The following DGKI variants were observed in gnomAD, a reference collection of about 807,000 sequenced individuals.
DGKI encodes DAG kinase iota.
DGKI carries 55 observed loss-of-function variants against 147.5 expected under a neutral mutation model. The observed-to-expected ratio is 0.37, with a 90% confidence interval of 0.30 to 0.47. DGKI has a LOEUF of 0.47. Among genes scored for constraint, DGKI ranks in the 20% least tolerant of loss-of-function variants. The pLI is 1.00. For synonymous variants in DGKI, 469 were observed against 477.1 expected, an observed-to-expected ratio of 0.98 and a Z score of 0.22; for missense variants, 1,007 against 1,323.8, an observed-to-expected ratio of 0.76 and a Z score of 3.71.
chr7:137,636,905 C>T (rs998465910), intron 6 of DGKI, among the ~76,000 whole-genome samples: 6 of 152,240 alleles, frequency 3.9e-5, no homozygotes, highest in Admixed American at 2.6e-4. Flanking sequence ...CCCTGCACCA[C>T]GAGCAGAAGT....
chr7:137,487,663 G>A lies in DGKI; in HGVS notation c.2275C>T (p.Arg759Cys), dbSNP rs144699964. The A allele has an allele frequency of 3.5e-5, 56 of 1,613,674 alleles. No homozygotes were observed. Among genetic ancestry groups the A allele is most frequent in the South Asian group, 8.8e-5 (8 of 91,058 alleles). Residue 759 changes from arginine to cysteine, a missense_variant, in exon 22 of 33, where the codon CGT becomes TGT. Arg to Cys is a radical substitution (Grantham distance 180). Transcript: ENST00000614521. Reference sequence around the variant, plus strand: ...CAAGTCTCCAAATCACAGTCTCCACGCACAACTAGAATACCCAGAGGTATC... The same window carrying A: ...CAAGTCTCCAAATCACAGTCTCCACACACAACTAGAATACCCAGAGGTATC... ...ASIPLGILVV[R>C]GDCDLETCRM...
intron 20 of DGKI, among the ~76,000 whole-genome samples, chr7:137,526,936 G>C (rs953146716): frequency 8.5e-5 from 13 of 152,122 alleles, no homozygotes; most frequent in Non-Finnish European, 1.5e-4. Context: ...GATGGGCTGA[G>C]CGTTTTGGTT....
chr7:137,827,822 T>C (rs1336653322), intron 1 of DGKI, among the ~76,000 whole-genome samples: 1 of 152,356 alleles, frequency 6.6e-6, no homozygotes, highest in East Asian at 1.9e-4. Flanking sequence ...TCAGGAGAGA[T>C]TAGAAGCAAA....
At chr7:137,642,721 C>T (rs1212761655) in intron 6 of DGKI, among the ~76,000 whole-genome samples, 3 of 152,206 alleles carry the variant, frequency 2.0e-5, no homozygotes, top group Non-Finnish European at 4.4e-5. Context: ...CTCAGCCAAA[C>T]ACATATTTAA....
At position 137,470,351 on chromosome 7, in the gene DGKI, T is replaced by C. The variant is rs185025383; in HGVS notation, c.2374-732A>G. Among the ~76,000 whole-genome samples, 16 of 152,290 alleles carry C rather than the reference T, an allele frequency of 1.1e-4. No homozygotes were observed. In the East Asian group the frequency reaches 2.9e-3, roughly 28 times the overall value. Reference sequence around the variant, plus strand: ...CTGCCTGACATAACTACCATCATTCTTTCCTCTGGGTTCGGATAAAAATAG... The same window carrying C: ...CTGCCTGACATAACTACCATCATTCCTTCCTCTGGGTTCGGATAAAAATAG... On this transcript the variant is annotated intron_variant, in intron 23 of 32. Transcript: ENST00000614521.
At chr7:137,678,525 C>T (rs750975126) in intron 3 of DGKI, 32 bp downstream of exon 3, 26 of 1,605,712 alleles carry the variant, frequency 1.6e-5, no homozygotes, top group Middle Eastern at 1.6e-4. Context: ...GATCCACAGG[C>T]CTTCCCCCAG....
At chr7:137,500,557 A>G (rs940894036) in intron 21 of DGKI, among the ~76,000 whole-genome samples, 1 of 152,194 alleles carries the variant, frequency 6.6e-6, no homozygotes, top group Non-Finnish European at 1.5e-5. Context: ...ATATACACCA[A>G]GATAAAACAT....
At chr7:137,778,357 A>C (rs1796420977) in intron 1 of DGKI, among the ~76,000 whole-genome samples, 1 of 152,180 alleles carries the variant, frequency 6.6e-6, no homozygotes, top group Non-Finnish European at 1.5e-5. Flanking sequence ...GTGAGGAGGA[A>C]TCTAAAAAAG....
At chr7:137,450,722 C>T (rs149058503) in intron 27 of DGKI, among the ~76,000 whole-genome samples, 3,441 of 150,922 alleles carry the variant, frequency 0.023, 106 homozygotes, top group South Asian at 0.15. Context: ...AACTCTGTCT[C>T]GAAAAAATAA....
rs571197439 is a variant in DGKI, at chr7:137,391,402, T to A, written c.3058-66A>T. On this transcript the variant is annotated intron_variant, in intron 32 of 32. Transcript: ENST00000614521. Reference sequence around the variant, plus strand: ...ATAGACACAAGCGCTAGTCGTGAAATACAAAAACAAAAAACAAAACAAAAC... The same window carrying A: ...ATAGACACAAGCGCTAGTCGTGAAAAACAAAAACAAAAAACAAAACAAAAC... The A allele has an allele frequency of 3.7e-5, 43 of 1,167,534 alleles. No homozygotes were observed. In the African/African-American group the frequency reaches 6.2e-4, roughly 17 times the overall value. The allele number at this position is 1,167,534 out of a possible 1,614,324, so 72.3% of individuals were successfully genotyped here.
In DGKI at chr7:137,388,529, A is replaced by C. The variant is rs1451473063; in HGVS notation, c.*2691T>G. 6.6e-6 allele frequency: 1 copy of C among 152,156 alleles called. No homozygotes were observed. Among genetic ancestry groups the C allele is most frequent in the Non-Finnish European group, 1.5e-5 (1 of 68,022 alleles). The allele number at this position is 152,156 out of a possible 1,614,324, so 9.4% of individuals were successfully genotyped here. A position where few individuals can be genotyped will look rare whatever the true frequency, so the allele number is the denominator to read the frequency against. ...TTAAAGTTACATGGCACTTCAGACC[A>C]GGACTAGATCACTTGCTTTCCTGAT... On this transcript the variant is annotated 3_prime_UTR_variant, in exon 33 of 33. Coordinates refer to ENST00000614521, the MANE Select transcript of DGKI (RefSeq NM_001321708.2).
intron 1 of DGKI, among the ~76,000 whole-genome samples, chr7:137,708,263 G>A (rs911315637): frequency 2.0e-5 from 3 of 152,140 alleles, no homozygotes; most frequent in Admixed American, 6.5e-5. Flanking sequence ...TGAGCCTCTC[G>A]CCCTACTCTT....
At chr7:137,395,763 G>A (rs1811527628) in intron 31 of DGKI, 66 bp from the exon 32 acceptor site, 4 of 1,475,780 alleles carry the variant, frequency 2.7e-6, no homozygotes, top group East Asian at 2.3e-5. Context: ...ATGGGTGAGG[G>A]GAGCTGATGT....
chr7:137,836,766 T>C (rs961557479), intron 1 of DGKI, among the ~76,000 whole-genome samples: 53 of 152,236 alleles, frequency 3.5e-4, no homozygotes, highest in African/African-American at 1.2e-3. Context: ...TTGGCCTCCC[T>C]ACAACTGACA....
At chr7:137,486,843 C>T (rs764443963) in intron 22 of DGKI, among the ~76,000 whole-genome samples, 68 of 151,662 alleles carry the variant, frequency 4.5e-4, no homozygotes, top group Admixed American at 1.1e-3. Flanking sequence ...TCAAGACAAC[C>T]CAACAGCTTT....
At chr7:137,643,326 T>G (rs1437689961) in intron 6 of DGKI, among the ~76,000 whole-genome samples, 1 of 132,076 alleles carries the variant, frequency 7.6e-6, no homozygotes. Flanking sequence ...AGTCTATGAA[T>G]ATGAATAAGA....
intron 1 of DGKI, among the ~76,000 whole-genome samples, chr7:137,825,635 C>T (rs1431931129): frequency 6.6e-6 from 1 of 151,882 alleles, no homozygotes; most frequent in African/African-American, 2.4e-5. Context: ...CACTCTCACA[C>T]ACACACATTC....
intron 14 of DGKI, among the ~76,000 whole-genome samples, chr7:137,583,146 C>G (rs1402318572): frequency 6.6e-6 from 1 of 152,054 alleles, no homozygotes; most frequent in Non-Finnish European, 1.5e-5. Context: ...GGCTTGGTCT[C>G]TAATGAAAGT....
At chr7:137,663,008 C>T (rs1185789291) in intron 3 of DGKI, among the ~76,000 whole-genome samples, 1 of 152,194 alleles carries the variant, frequency 6.6e-6, no homozygotes, top group Admixed American at 6.5e-5. Context: ...CACCAATACT[C>T]CTGAATCTGT....
Sources: allele counts gnomAD v4.1 joint callset (sites outside exome capture counted in the v4.1 genomes callset), GRCh38; gene constraint gnomAD v4.1.1; transcripts MANE v1.5; gene names NCBI Gene and HGNC (gene_info 2026-07-23, HGNC 2026-07-21).